The following UTP20 variants were observed in gnomAD, a reference collection of about 807,000 sequenced individuals.
The protein encoded by UTP20 is small subunit processome component 20 homolog.
UTP20 carries 164 observed loss-of-function variants against 329.5 expected under a neutral mutation model. The ratio of observed to expected loss-of-function variants is 0.50; its 90% confidence interval spans 0.44 to 0.57. The LOEUF is 0.57. UTP20 is among the 20% of genes least tolerant of loss of function. UTP20 has a pLI of 0.00. For missense variants in UTP20, 3,055 were observed against 3,284.2 expected (o/e 0.93, Z 1.71); for synonymous variants, 1,151 against 1,159.3 (o/e 0.99, Z 0.14).
At chr12:101,324,152 T>A (rs10219745) in intron 25 of UTP20, among the ~76,000 whole-genome samples, 4,951 of 108,482 alleles carry the variant, frequency 0.046, 278 homozygotes, top group African/African-American at 0.13. Context: ...AATAAAAAAA[T>A]AAATAAATAA....
intron 29 of UTP20, among the ~76,000 whole-genome samples, chr12:101,337,261 T>G (rs759630811): frequency 2.6e-5 from 4 of 152,252 alleles, no homozygotes; most frequent in Non-Finnish European, 4.4e-5. Flanking sequence ...TCTTAGAACT[T>G]TTCTGTCAGT....
At position 101,290,285 on chromosome 12, in the gene UTP20, G is replaced by A. The variant is rs1334534742; in HGVS notation, c.735+11G>A. On this transcript the variant is annotated intron_variant, in intron 7 of 61. Transcript: ENST00000261637. The stretch of plus-strand genomic sequence containing the variant: ...TCCTGTACAGGCCAGGTACATAATG[G>A]GGAGGGGTGCTTAGAGTCTATGTGG... 12 of 1,578,638 alleles carry A rather than the reference G, an allele frequency of 7.6e-6. No individual in the cohort carries two copies. The East Asian group carries it at 2.5e-4, about 33-fold the overall frequency.
intron 25 of UTP20, among the ~76,000 whole-genome samples, chr12:101,326,387 A>G (rs1044337907): frequency 6.6e-6 from 1 of 152,222 alleles, no homozygotes; most frequent in Non-Finnish European, 1.5e-5. Flanking sequence ...TCTCTCTGCT[A>G]TGAAACTTCA....
chr12:101,298,212 T>G (rs1593421832), intron 12 of UTP20, among the ~76,000 whole-genome samples: 2 of 152,298 alleles, frequency 1.3e-5, no homozygotes, highest in Middle Eastern at 3.4e-3. Flanking sequence ...AAAAAGTTCC[T>G]TCTTTTGGGG....
chr12:101,288,601 T>C (rs2137231652), intron 5 of UTP20, among the ~76,000 whole-genome samples: 1 of 152,352 alleles, frequency 6.6e-6, no homozygotes, highest in East Asian at 1.9e-4. Flanking sequence ...CCAGCCTCCT[T>C]GTCATGACCA....
chr12:101,342,929 C>G lies in UTP20; in HGVS notation c.4297-12C>G. The G allele has an allele frequency of 4.3e-6, 7 of 1,610,176 alleles. No homozygotes were observed. Among genetic ancestry groups the G allele is most frequent in the Non-Finnish European group, 5.9e-6 (7 of 1,178,912 alleles). Reference sequence around the variant, plus strand: ...GCCTTCTTTTATATAACTTCAATGGCATTTCTTATAGCTTAACGCCTTCGA... The same window carrying G: ...GCCTTCTTTTATATAACTTCAATGGGATTTCTTATAGCTTAACGCCTTCGA... On this transcript the variant is annotated splice_polypyrimidine_tract_variant and intron_variant, in intron 34 of 61. Coordinates refer to ENST00000261637, the MANE Select transcript of UTP20 (RefSeq NM_014503.3).
chr12:101,290,948 G>T, intron 8 of UTP20, 60 bp downstream of exon 8: 1 of 1,539,534 alleles, frequency 6.5e-7, no homozygotes, highest in Non-Finnish European at 8.8e-7. Context: ...TACTGTTTCT[G>T]CTCTCAGTTT....
At chr12:101,365,178 T>C (rs1381244029) in intron 45 of UTP20, among the ~76,000 whole-genome samples, 3 of 151,882 alleles carry the variant, frequency 2.0e-5, no homozygotes. Flanking sequence ...CTCATATCTC[T>C]GGCATTGTGC....
intron 14 of UTP20, among the ~76,000 whole-genome samples, chr12:101,301,323 C>G (rs904688403): frequency 3.4e-5 from 5 of 147,382 alleles, no homozygotes; most frequent in Non-Finnish European, 5.9e-5. Flanking sequence ...AGTTCAAGAC[C>G]AGCTTGGGAC....
rs767168547 is a variant in UTP20, at chr12:101,343,054, C to T, written c.4410C>T (p.Tyr1470=). The change falls in exon 35 of 62, where the codon TAC becomes TAT. Residue 1470 remains tyrosine (Y), a synonymous_variant. Transcript: ENST00000261637. ...AAATGCAAATTGTGGATGTTAACTA[C>T]CTAATTCCAGTTATGCATAATTGTT... ...IKEMQIVDVN[Y]LIPVMHNCFY... The T allele has an allele frequency of 5.4e-5, 87 of 1,611,708 alleles. No homozygotes were observed. Among genetic ancestry groups the T allele is most frequent in the Middle Eastern group, 4.9e-4 (3 of 6,080 alleles).
chr12:101,302,024 A>G (rs1208185401), intron 14 of UTP20, among the ~76,000 whole-genome samples: 1 of 152,146 alleles, frequency 6.6e-6, no homozygotes, highest in Admixed American at 6.5e-5. Context: ...TTGACATCCC[A>G]GGCTGAAGCA....
intron 2 of UTP20, among the ~76,000 whole-genome samples, chr12:101,281,838 G>A (rs551619191): frequency 6.6e-6 from 1 of 152,046 alleles, no homozygotes; most frequent in Non-Finnish European, 1.5e-5. Flanking sequence ...CCGAGTAGCT[G>A]GGATTACAGG....
In UTP20 at chr12:101,357,020, G is replaced by A; in HGVS notation, c.5629G>A (p.Gly1877Ser). 1.2e-6 allele frequency: 2 copies of A among 1,613,828 alleles called. No individual in the cohort carries two copies. Among genetic ancestry groups the A allele is most frequent in the Non-Finnish European group, 1.7e-6 (2 of 1,179,884 alleles). ...STLAKIIEDL[G>S]VHFLLYVLKE... Reference sequence around the variant, plus strand: ...TCTTGCGAAAATAATAGAGGATCTTGGTGTGCACTTCCTCCTATATGTTTT... The same window carrying A: ...TCTTGCGAAAATAATAGAGGATCTTAGTGTGCACTTCCTCCTATATGTTTT... Residue 1877 changes from glycine (G) to serine (S), a missense_variant, in exon 43 of 62, where the codon GGT (glycine) becomes AGT (serine). Gly to Ser is a moderately conservative substitution (Grantham distance 56). Transcript: ENST00000261637.
At chr12:101,284,590 G>C (rs1282242486) in intron 2 of UTP20, among the ~76,000 whole-genome samples, 1 of 151,918 alleles carries the variant, frequency 6.6e-6, no homozygotes, top group Non-Finnish European at 1.5e-5. Context: ...GATTGTTTTG[G>C]GGGGGTATGC....
Sources: gnomAD v4.1 joint callset for allele counts (sites outside exome capture counted in the v4.1 genomes callset) on GRCh38, gnomAD v4.1.1 for gene constraint, MANE v1.5 for transcripts, NCBI Gene and HGNC (gene_info 2026-07-23, HGNC 2026-07-21) for gene names.